Variants in KCTD8 observed in about 807,000 individuals in gnomAD.
The protein encoded by KCTD8 is BTB/POZ domain-containing protein KCTD8.
Under a neutral mutation model 31.5 loss-of-function variants are expected in KCTD8, and 27 were observed. That is an observed-to-expected ratio of 0.86 (90% CI 0.63 to 1.18). The LOEUF (loss-of-function observed/expected upper bound fraction) is 1.18. Among genes scored for constraint, KCTD8 ranks in the 50% most tolerant of loss-of-function variants. The pLI is 0.00. For missense variants in KCTD8, 658 were observed against 647.7 expected, an observed-to-expected ratio of 1.02 and a Z score of -0.17; for synonymous variants, 290 against 280.0, an observed-to-expected ratio of 1.04 and a Z score of -0.36.
intron 1 of KCTD8, among the ~76,000 whole-genome samples, chr4:44,423,644 G>T (rs1013903729): frequency 6.6e-6 from 1 of 152,030 alleles, no homozygotes; most frequent in African/African-American, 2.4e-5. Flanking sequence ...AGGGTGGAAA[G>T]TTAACAGGAA....
intron 1 of KCTD8, among the ~76,000 whole-genome samples, chr4:44,204,828 A>G (rs1560394098): frequency 1.3e-5 from 2 of 152,070 alleles, no homozygotes; most frequent in African/African-American, 2.4e-5. Context: ...AACAAATAAA[A>G]TATTATTTTT....
chr4:44,366,245 T>C (rs1046422686), intron 1 of KCTD8, among the ~76,000 whole-genome samples: 8 of 152,122 alleles, frequency 5.3e-5, no homozygotes, highest in African/African-American at 1.7e-4. Context: ...GAGACTCATA[T>C]GGTTTGGCTC....
chr4:44,364,507 A>G (rs1272501921), intron 1 of KCTD8, among the ~76,000 whole-genome samples: 1 of 152,144 alleles, frequency 6.6e-6, no homozygotes, highest in Non-Finnish European at 1.5e-5. Context: ...CCTTTGGAAA[A>G]CAGTCTGACA....
chr4:44,430,293 CAG>C (rs1473316773), intron 1 of KCTD8, among the ~76,000 whole-genome samples: 4 of 151,614 alleles, frequency 2.6e-5, no homozygotes, highest in African/African-American at 9.7e-5. Flanking sequence ...AGAAAAAAGA[CAG>C]AGGAGCAAGA....
At chr4:44,238,977 G>T (rs949958725) in intron 1 of KCTD8, among the ~76,000 whole-genome samples, 1 of 152,080 alleles carries the variant, frequency 6.6e-6, no homozygotes, top group African/African-American at 2.4e-5. Flanking sequence ...AATAATAGAA[G>T]TTGGTTTCTC....
At chr4:44,241,618 T>A (rs1354875144) in intron 1 of KCTD8, among the ~76,000 whole-genome samples, 1 of 152,228 alleles carries the variant, frequency 6.6e-6, no homozygotes, top group East Asian at 1.9e-4. Context: ...TACTATTTAT[T>A]TAATCTTTTT....
At chr4:44,257,319 G>A (rs1321940424) in intron 1 of KCTD8, among the ~76,000 whole-genome samples, 1 of 151,914 alleles carries the variant, frequency 6.6e-6, no homozygotes, top group African/African-American at 2.4e-5. Flanking sequence ...TTAAAACATT[G>A]TTTTAAATTA....
intron 1 of KCTD8, among the ~76,000 whole-genome samples, chr4:44,321,219 A>G (rs527415893): frequency 6.6e-6 from 1 of 152,330 alleles, no homozygotes; most frequent in East Asian, 1.9e-4. Flanking sequence ...TTTTAACTAT[A>G]TAAGCTATTA....
At chr4:44,398,638 C>T (rs537365755) in intron 1 of KCTD8, among the ~76,000 whole-genome samples, 15 of 152,244 alleles carry the variant, frequency 9.9e-5, no homozygotes, top group Admixed American at 2.0e-4. Context: ...AGATCCGGAA[C>T]GAACTCTCAA....
chr4:44,343,786 TG>T (rs1224789683), intron 1 of KCTD8, among the ~76,000 whole-genome samples: 1 of 152,236 alleles, frequency 6.6e-6, no homozygotes, highest in East Asian at 1.9e-4. Flanking sequence ...AATGTTATGC[TG>T]AACAAAATCA....
chr4:44,414,549 T>C (rs952376699), intron 1 of KCTD8, among the ~76,000 whole-genome samples: 1 of 152,146 alleles, frequency 6.6e-6, no homozygotes, highest in Non-Finnish European at 1.5e-5. Flanking sequence ...TGACAAAAAC[T>C]GGGTGGCCCC....
intron 1 of KCTD8, among the ~76,000 whole-genome samples, chr4:44,250,684 A>G (rs1715801012): frequency 6.6e-6 from 1 of 151,518 alleles, no homozygotes; most frequent in Non-Finnish European, 1.5e-5. Context: ...TATTAAACAG[A>G]TTTTTCTCTT....
chr4:44,438,528 C>A (rs905506989), intron 1 of KCTD8, among the ~76,000 whole-genome samples: 2 of 152,082 alleles, frequency 1.3e-5, no homozygotes, highest in African/African-American at 4.8e-5. Context: ...AACCAGTGAC[C>A]AGCACTGGAC....
At chr4:44,348,888 T>C (rs1478055916) in intron 1 of KCTD8, among the ~76,000 whole-genome samples, 2 of 152,126 alleles carry the variant, frequency 1.3e-5, no homozygotes, top group African/African-American at 4.8e-5. Flanking sequence ...GTTGGCACAG[T>C]CCTCCCTCTT....
intron 1 of KCTD8, among the ~76,000 whole-genome samples, chr4:44,412,124 T>C (rs1018777677): frequency 3.3e-5 from 5 of 152,074 alleles, no homozygotes; most frequent in African/African-American, 1.2e-4. Context: ...GAAAGAGAAT[T>C]GAGAGAAGAT....
chr4:44,274,106 C>T (rs2109374310), intron 1 of KCTD8, among the ~76,000 whole-genome samples: 1 of 151,800 alleles, frequency 6.6e-6, no homozygotes, highest in East Asian at 1.9e-4. Context: ...AACATTTGGC[C>T]AAATTTAGAT....
intron 1 of KCTD8, among the ~76,000 whole-genome samples, chr4:44,390,958 A>T (rs1237406560): frequency 6.6e-6 from 1 of 152,004 alleles, no homozygotes; most frequent in Non-Finnish European, 1.5e-5. Context: ...GAGGAAAAGA[A>T]GTCATTATGC....
At position 44,174,936 on chromosome 4, in the gene KCTD8, A is replaced by G. The variant is rs770763717; in HGVS notation, c.1276T>C (p.Ser426Pro). 6 of 1,613,990 alleles carry G rather than the reference A, an allele frequency of 3.7e-6. No homozygotes were observed. The South Asian group carries it at 5.5e-5, about 15-fold the overall frequency. ...LISKSRETNL[S>P]KKKVCEKLSV... is the part of the protein sequence containing the mutation. Reference sequence around the variant, plus strand: ...AGCTTCTCACAGACTTTCTTTTTGGACAGATTTGTTTCCCGGGACTTGCTG... The same window carrying G: ...AGCTTCTCACAGACTTTCTTTTTGGGCAGATTTGTTTCCCGGGACTTGCTG... Residue 426 changes from serine to proline, a missense_variant, in exon 2 of 2, where the codon TCC becomes CCC. By Grantham distance (74) the Ser-to-Pro change is moderately conservative (BLOSUM62 -1). Transcript: ENST00000360029.
At chr4:44,246,961 G>C (rs955248979) in intron 1 of KCTD8, among the ~76,000 whole-genome samples, 9 of 151,904 alleles carry the variant, frequency 5.9e-5, no homozygotes, top group Non-Finnish European at 1.0e-4. Flanking sequence ...CCACAGGATT[G>C]TGTCACATTG....
Sources: allele counts gnomAD v4.1 joint callset (sites outside exome capture counted in the v4.1 genomes callset), GRCh38; gene constraint gnomAD v4.1.1; transcripts MANE v1.5; gene names NCBI Gene and HGNC (gene_info 2026-07-23, HGNC 2026-07-21).